The following AK5 variants were observed in gnomAD, a reference collection of about 807,000 sequenced individuals.
AK5 encodes the protein adenylate kinase 5.
Under a neutral mutation model 69.5 loss-of-function variants are expected in AK5, and 27 were observed. That is an observed-to-expected ratio of 0.39 (90% CI 0.29 to 0.54). The LOEUF (loss-of-function observed/expected upper bound fraction) is 0.54. AK5 is among the 20% of genes least tolerant of loss of function. The pLI, the probability that AK5 is intolerant of heterozygous loss-of-function variation, is 0.71. For synonymous variants in AK5, 260 were observed against 244.4 expected (o/e 1.06, Z -0.60); for missense variants, 531 against 700.4 (o/e 0.76, Z 2.73).
intron 2 of AK5, among the ~76,000 whole-genome samples, chr1:77,289,626 A>C (rs1658565659): frequency 6.6e-6 from 1 of 152,184 alleles, no homozygotes; most frequent in African/African-American, 2.4e-5. Context: ...ATTTGATACT[A>C]TGATTGTACA....
intron 12 of AK5, among the ~76,000 whole-genome samples, chr1:77,533,503 T>A (rs75807854): frequency 0.11 from 10,826 of 98,948 alleles, 616 homozygotes; most frequent in East Asian, 0.35. Context: ...AGCAAGACTC[T>A]GTCACCAAAA....
rs1660322900 is a variant in AK5, at chr1:77,559,507, A to G, written c.*837A>G. ...ATTTGCTATTTCATTCATTGGGCAC[A>G]TATCAAATTATAATTTTGATTTTAA... On this transcript the variant is annotated 3_prime_UTR_variant, in exon 14 of 14. Transcript: ENST00000354567. The G allele has an allele frequency of 2.0e-5, 3 of 151,890 alleles. No homozygotes were observed. The highest frequency in any genetic ancestry group is 4.4e-5 in the Non-Finnish European group (3 of 68,006). 9.4% of individuals were successfully genotyped at this position (151,890 alleles called of 1,614,324 possible).
chr1:77,300,176 AACTCTCTGGAT>A (rs1476627304), intron 5 of AK5, among the ~76,000 whole-genome samples: 1 of 152,288 alleles, frequency 6.6e-6, no homozygotes, highest in East Asian at 1.9e-4. Context: ...ACCCTCTGGT[AACTCTCTGGAT>A]ACCTGATCAA....
intron 6 of AK5, among the ~76,000 whole-genome samples, chr1:77,370,527 T>A (rs559338565): frequency 6.6e-6 from 1 of 151,524 alleles, no homozygotes; most frequent in African/African-American, 2.4e-5. Flanking sequence ...ATGAAAGGGG[T>A]TTAAAAACTT....
chr1:77,523,693 G>A (rs1319400806), intron 12 of AK5, among the ~76,000 whole-genome samples: 1 of 152,074 alleles, frequency 6.6e-6, no homozygotes. Flanking sequence ...TATTTTTGGA[G>A]ACAAGGTTTT....
At chr1:77,524,885 G>GTATATATATATTTATATA (rs1342983284) in intron 12 of AK5, among the ~76,000 whole-genome samples, 26 of 152,042 alleles carry the variant, frequency 1.7e-4, no homozygotes, top group African/African-American at 6.3e-4. Flanking sequence ...ATATATTTAG[G>GTATATATATATTTATATA]TATTTTGATC....
intron 8 of AK5, among the ~76,000 whole-genome samples, chr1:77,475,998 G>A (rs1654914975): frequency 6.6e-6 from 1 of 152,066 alleles, no homozygotes; most frequent in African/African-American, 2.4e-5. Flanking sequence ...TCTTATTAGA[G>A]ACACTAATAT....
chr1:77,543,036 G>T (rs1659359939), intron 13 of AK5, among the ~76,000 whole-genome samples: 1 of 152,222 alleles, frequency 6.6e-6, no homozygotes, highest in African/African-American at 2.4e-5. Context: ...CAATTCTGCT[G>T]CTGCAGTGTC....
At chr1:77,366,980 A>G (rs1646961524) in intron 6 of AK5, among the ~76,000 whole-genome samples, 2 of 152,130 alleles carry the variant, frequency 1.3e-5, no homozygotes, top group Admixed American at 6.6e-5. Context: ...TGTGAATAGT[A>G]TCATCTTCAC....
At chr1:77,313,870 C>G (rs192542494) in intron 5 of AK5, 6 of 532,532 alleles carry the variant, frequency 1.1e-5, no homozygotes, top group Admixed American at 5.8e-5. Flanking sequence ...CGGGGTATGT[C>G]CAGTCCGTCA....
At chr1:77,304,809 A>G (rs1172717884) in intron 5 of AK5, among the ~76,000 whole-genome samples, 1 of 152,232 alleles carries the variant, frequency 6.6e-6, no homozygotes, top group East Asian at 1.9e-4. Context: ...AGGAATGCAG[A>G]TATCTCTTCG....
chr1:77,318,854 C>T (rs1321202428), intron 5 of AK5, among the ~76,000 whole-genome samples: 6 of 151,970 alleles, frequency 3.9e-5, no homozygotes, highest in African/African-American at 1.2e-4. Context: ...TGATCCTTAT[C>T]GTATAATGCT....
At chr1:77,539,560 C>T (rs1041365097) in intron 13 of AK5, among the ~76,000 whole-genome samples, 6 of 152,136 alleles carry the variant, frequency 3.9e-5, no homozygotes, top group Admixed American at 3.9e-4. Context: ...GTGTGCTGGG[C>T]CCAGGAAGCT....
intron 8 of AK5, among the ~76,000 whole-genome samples, chr1:77,443,942 C>T (rs1652501460): frequency 6.6e-6 from 1 of 151,384 alleles, no homozygotes; most frequent in South Asian, 2.1e-4. Flanking sequence ...CCCACCCACC[C>T]AAGACATGAG....
intron 6 of AK5, 110 bp downstream of exon 6, chr1:77,340,678 G>A (rs1239103389): frequency 6.1e-6 from 6 of 979,484 alleles, no homozygotes; most frequent in South Asian, 5.8e-5. Flanking sequence ...TGGCTTTTGG[G>A]GGGTACAGAA....
At chr1:77,321,892 A>T (rs1346131095) in intron 5 of AK5, among the ~76,000 whole-genome samples, 1 of 152,192 alleles carries the variant, frequency 6.6e-6, no homozygotes, top group Non-Finnish European at 1.5e-5. Context: ...ATCCTAAGGA[A>T]TCTACAAAAT....
intron 6 of AK5, among the ~76,000 whole-genome samples, chr1:77,354,937 TATAAG>T (rs1362818257): frequency 3.3e-5 from 5 of 152,252 alleles, no homozygotes; most frequent in Non-Finnish European, 4.4e-5. Flanking sequence ...TGCTGTGTAT[TATAAG>T]ATATGATTTT....
intron 10 of AK5, among the ~76,000 whole-genome samples, chr1:77,512,671 C>A (rs1657416736): frequency 6.6e-6 from 1 of 152,000 alleles, no homozygotes; most frequent in Non-Finnish European, 1.5e-5. Context: ...TGGGTATATA[C>A]CCAAAGGACT....
At chr1:77,536,321 G>A (rs1234850724) in intron 13 of AK5, among the ~76,000 whole-genome samples, 2 of 152,256 alleles carry the variant, frequency 1.3e-5, no homozygotes, top group East Asian at 3.9e-4. Context: ...GGGTATGGTG[G>A]CACATGCCTA....
Sources: allele counts gnomAD v4.1 joint callset (sites outside exome capture counted in the v4.1 genomes callset), GRCh38; gene constraint gnomAD v4.1.1; transcripts MANE v1.5; gene names NCBI Gene and HGNC (gene_info 2026-07-23, HGNC 2026-07-21).